EDA: variants seen among roughly 807,000 people sequenced by gnomAD.
EDA encodes ectodysplasin-A.
Under a neutral mutation model 23.6 loss-of-function variants are expected in EDA, and 2 were observed. The ratio of observed to expected loss-of-function variants is 0.08; its 90% confidence interval spans 0.03 to 0.27. The LOEUF is 0.27. Ranked by LOEUF, EDA falls within the 10% of genes least tolerant of loss-of-function variation. The probability of loss-of-function intolerance (pLI) is 1.00; values close to 1 mark genes in which losing one functional copy is unlikely to be tolerated. For synonymous variants in EDA, 131 were observed against 132.0 expected (o/e 0.99, Z 0.05); for missense variants, 229 against 324.2 (o/e 0.71, Z 2.26).
intron 1 of EDA, among the ~76,000 whole-genome samples, chrX:69,837,144 C>T (rs893431216): frequency 9.0e-6 from 1 of 111,517 alleles, no homozygotes; most frequent in African/African-American, 3.3e-5. Context: ...TAAAACCTGG[C>T]ATATCTTCAG....
chrX:69,958,011 T>A (rs2019040994), intron 2 of EDA, among the ~76,000 whole-genome samples: 1 of 112,114 alleles, frequency 8.9e-6, no homozygotes, highest in South Asian at 3.7e-4. Context: ...AAGTCGATGA[T>A]GTTGACTGCC....
chrX:69,719,965 G>A (rs971652967), intron 1 of EDA, among the ~76,000 whole-genome samples: 9 of 110,294 alleles, frequency 8.2e-5, no homozygotes, highest in African/African-American at 2.0e-4. Flanking sequence ...GGTTAGGCTC[G>A]TCTCGAACTC....
At chrX:69,897,208 A>G (rs1433218321) in intron 1 of EDA, among the ~76,000 whole-genome samples, 2 of 111,081 alleles carry the variant, frequency 1.8e-5, no homozygotes, top group Admixed American at 9.7e-5. Flanking sequence ...ACTTTGATAT[A>G]CACACTCCTC....
At chrX:69,786,635 A>G (rs1487059852) in intron 1 of EDA, among the ~76,000 whole-genome samples, 1 of 97,937 alleles carries the variant, frequency 1.0e-5, no homozygotes, top group Non-Finnish European at 2.1e-5. Context: ...TTCTAGTTTG[A>G]TTGCACTGTG....
chrX:69,667,960 A>G (rs1334962423), intron 1 of EDA, among the ~76,000 whole-genome samples: 1 of 111,988 alleles, frequency 8.9e-6, no homozygotes, highest in Admixed American at 9.4e-5. Context: ...ATAACAACCT[A>G]TTCATGAGGG....
chrX:69,641,958 G>C (rs1234717012), intron 1 of EDA, among the ~76,000 whole-genome samples: 2 of 111,909 alleles, frequency 1.8e-5, no homozygotes, highest in African/African-American at 6.5e-5. Flanking sequence ...TAATTCATAG[G>C]GTGGTTATGA....
intron 1 of EDA, among the ~76,000 whole-genome samples, chrX:69,804,058 C>G (rs916246387): frequency 1.8e-5 from 2 of 110,894 alleles, no homozygotes; most frequent in Non-Finnish European, 3.8e-5. Flanking sequence ...ATCCATTCAT[C>G]TATTAATGGA....
intron 1 of EDA, among the ~76,000 whole-genome samples, chrX:69,782,388 A>AC (rs2014979870): frequency 1.0e-5 from 1 of 99,858 alleles, no homozygotes; most frequent in Non-Finnish European, 2.1e-5. Context: ...AAAAAAAAAA[A>AC]AAAACATTAA....
chrX:69,735,229 CAG>C (rs2013209074), intron 1 of EDA, among the ~76,000 whole-genome samples: 3 of 63,616 alleles, frequency 4.7e-5, no homozygotes, highest in South Asian at 5.8e-4. Flanking sequence ...ACACATACAA[CAG>C]AATATTTTGT....
chrX:70,028,585 A>C (rs1173086780), intron 4 of EDA, among the ~76,000 whole-genome samples: 1 of 112,647 alleles, frequency 8.9e-6, no homozygotes, highest in Non-Finnish European at 1.9e-5. Context: ...AGAGTCACTC[A>C]GGCTGTGGAT....
intron 1 of EDA, among the ~76,000 whole-genome samples, chrX:69,803,020 G>T (rs1296126054): frequency 1.8e-5 from 2 of 111,135 alleles, no homozygotes; most frequent in South Asian, 3.7e-4. Flanking sequence ...AAACTTAAGT[G>T]ATCACAGGGA....
intron 2 of EDA, among the ~76,000 whole-genome samples, chrX:69,960,915 A>T (rs2019090440): frequency 9.2e-6 from 1 of 108,805 alleles, no homozygotes; most frequent in Admixed American, 9.9e-5. Flanking sequence ...GCTACTCAGG[A>T]GGCTGAGGTA....
In EDA at chrX:69,996,953, G is replaced by C. The variant is rs1158986290; in HGVS notation, c.503-26265G>C. Among the ~76,000 whole-genome samples the C allele has an allele frequency of 5.3e-5, 6 of 112,197 alleles. No homozygotes were observed. In the Admixed American group the frequency reaches 5.7e-4, roughly 11 times the overall value. On this transcript the variant is annotated intron_variant, in intron 2 of 7. Coordinates refer to ENST00000374552, the MANE Select transcript of EDA (RefSeq NM_001399.5). ...CCACCATGATTGTGAGGCCTCCCCG[G>C]CCACGTGGACCTGTAAGTCCATTAA... is the stretch of plus-strand genomic sequence containing the variant.
chrX:69,883,838 TG>T (rs1220383668), intron 1 of EDA, among the ~76,000 whole-genome samples: 2 of 111,206 alleles, frequency 1.8e-5, no homozygotes, highest in African/African-American at 3.3e-5. Context: ...GGCTCATGCC[TG>T]TAATCCCAGC....
At chrX:69,975,659 A>G (rs1422949965) in intron 2 of EDA, among the ~76,000 whole-genome samples, 1 of 111,673 alleles carries the variant, frequency 9.0e-6, no homozygotes, top group African/African-American at 3.2e-5. Flanking sequence ...AAATAAATAA[A>G]AGTGGGCTAC....
rs2020217408 is a variant in EDA, at chrX:70,032,728, G to T, written c.794-670G>T. Among the ~76,000 whole-genome samples, 5 of 111,388 alleles carry T rather than the reference G, an allele frequency of 4.5e-5. No homozygotes were observed. In the South Asian group the frequency reaches 1.9e-3, roughly 43 times the overall value. On this transcript the variant is annotated intron_variant, in intron 6 of 7. Transcript: ENST00000374552. The stretch of plus-strand genomic sequence containing the variant: ...TATCCTCCCAGCTGGCTCTATTGCA[G>T]CCTGCCAGTCTATCCTTCACTCTCA...
At chrX:69,714,952 A>G (rs1602327031) in intron 1 of EDA, among the ~76,000 whole-genome samples, 2 of 110,902 alleles carry the variant, frequency 1.8e-5, no homozygotes, top group East Asian at 5.7e-4. Flanking sequence ...TAGGAATTAT[A>G]GTAAACCTGT....
At chrX:69,983,917 T>A (rs2019455714) in intron 2 of EDA, among the ~76,000 whole-genome samples, 1 of 107,703 alleles carries the variant, frequency 9.3e-6, no homozygotes. Flanking sequence ...TATAACAAAC[T>A]ATCTCTCAGA....
At chrX:69,629,007 AT>A (rs2147214851) in intron 1 of EDA, among the ~76,000 whole-genome samples, 1 of 111,104 alleles carries the variant, frequency 9.0e-6, no homozygotes, top group South Asian at 3.9e-4. Context: ...CAGCTAGATT[AT>A]TTTTCTTCCA....
Sources: gnomAD v4.1 joint callset for allele counts (sites outside exome capture counted in the v4.1 genomes callset) on GRCh38, gnomAD v4.1.1 for gene constraint, MANE v1.5 for transcripts, NCBI Gene and HGNC (gene_info 2026-07-23, HGNC 2026-07-21) for gene names.